EPB41L1: variants seen among roughly 807,000 people sequenced by gnomAD.
EPB41L1 encodes the protein erythrocyte membrane protein band 4.1 like 1.
EPB41L1 carries 29 observed loss-of-function variants against 97.8 expected under a neutral mutation model. That is an observed-to-expected ratio of 0.30 (90% CI 0.22 to 0.40). The LOEUF (loss-of-function observed/expected upper bound fraction) is 0.40. Among genes scored for constraint, EPB41L1 ranks in the 10% least tolerant of loss-of-function variants. The probability of loss-of-function intolerance (pLI) is 1.00; values close to 1 mark genes in which losing one functional copy is unlikely to be tolerated. For missense variants in EPB41L1, 812 were observed against 1,162.3 expected (o/e 0.70, Z 4.38); for synonymous variants, 383 against 459.2 (o/e 0.83, Z 2.12).
intron 2 of EPB41L1, among the ~76,000 whole-genome samples, chr20:36,118,723 A>G (rs1476983804): frequency 1.3e-5 from 2 of 152,244 alleles, no homozygotes; most frequent in African/African-American, 4.8e-5. Flanking sequence ...GGTGCTTAAT[A>G]GATGCTTAAT....
At chr20:36,222,557 C>G (rs2063845379) in intron 21 of EPB41L1, among the ~76,000 whole-genome samples, 163 bp downstream of exon 21, 1 of 152,106 alleles carries the variant, frequency 6.6e-6, no homozygotes, top group Non-Finnish European at 1.5e-5. Context: ...AGAGAGGCAC[C>G]TCCCCGAGAT....
At chr20:36,131,809 C>T (rs2059220607) in intron 2 of EPB41L1, among the ~76,000 whole-genome samples, 1 of 152,124 alleles carries the variant, frequency 6.6e-6, no homozygotes, top group Non-Finnish European at 1.5e-5. Context: ...TTCCCTGATG[C>T]CAGGCTACTG....
At chr20:36,116,012 T>G (rs2746103) in intron 2 of EPB41L1, among the ~76,000 whole-genome samples, 55,740 of 152,122 alleles carry the variant, frequency 0.37, 14,006 homozygotes, top group African/African-American at 0.72. Flanking sequence ...TGCAAAGCTG[T>G]TATTTGAGTT....
Position 36,190,329 on chromosome 20 carries a change from C to A in EPB41L1, c.1079C>A (p.Ala360Asp), listed in dbSNP as rs765375387. The change falls in exon 10 of 22, where the codon GCC becomes GAC. Residue 360 changes from alanine to aspartate, a missense_variant. Transcript: ENST00000338074. The surrounding 1 kb of genome is among the most constrained non-coding windows in gnomAD (Gnocchi z 5.8). Reference protein sequence around the residue: ...IGFKLPNHRSAKRLWKVCIEH... With the variant: ...IGFKLPNHRSDKRLWKVCIEH... ...TTTAAGCTCCCAAACCACCGGTCAGCCAAGAGACTGTGGAAGGTCTGCATC... is the reference window on the plus strand; with the variant it reads ...TTTAAGCTCCCAAACCACCGGTCAGACAAGAGACTGTGGAAGGTCTGCATC... 6.2e-7 allele frequency: 1 copy of A among 1,614,168 alleles called. No individual in the cohort carries two copies. The highest frequency in any genetic ancestry group is 2.2e-5 in the East Asian group (1 of 44,882).
chr20:36,125,619 G>A, intron 2 of EPB41L1: 9 of 1,505,230 alleles, frequency 6.0e-6, no homozygotes, highest in Non-Finnish European at 8.0e-6. Context: ...TGGAGTGGCA[G>A]GAGTTTCCTG....
At chr20:36,185,066 T>C (rs1379328728) in intron 6 of EPB41L1, 51 bp from the exon 7 acceptor site, 4 of 1,572,214 alleles carry the variant, frequency 2.5e-6, no homozygotes, top group South Asian at 1.1e-5. Context: ...GCTTGGGGGA[T>C]CTAGGGAGGA....
At chr20:36,227,120 G>A (rs567906470) in intron 21 of EPB41L1, among the ~76,000 whole-genome samples, 233 of 152,086 alleles carry the variant, frequency 1.5e-3, no homozygotes, top group Non-Finnish European at 2.5e-3. Flanking sequence ...TTCAAGACCA[G>A]CCTGGCCATC....
intron 1 of EPB41L1, among the ~76,000 whole-genome samples, chr20:36,094,594 G>A (rs914358958): frequency 6.6e-6 from 1 of 152,190 alleles, no homozygotes; most frequent in African/African-American, 2.4e-5. Context: ...CACAGGATTT[G>A]GAGTGCAAAG....
intron 1 of EPB41L1, among the ~76,000 whole-genome samples, chr20:36,165,041 G>T (rs1349258703): frequency 6.6e-6 from 1 of 151,816 alleles, no homozygotes; most frequent in Non-Finnish European, 1.5e-5. Context: ...GAGTGCAGTG[G>T]TGCGATCTGA....
At chr20:36,172,241 G>A (rs942082715) in intron 1 of EPB41L1, among the ~76,000 whole-genome samples, 2 of 152,108 alleles carry the variant, frequency 1.3e-5, no homozygotes, top group African/African-American at 4.8e-5. Flanking sequence ...ACCACATCCA[G>A]CTAATTTTTG....
intron 9 of EPB41L1, among the ~76,000 whole-genome samples, chr20:36,188,812 T>G (rs1441348236): frequency 6.8e-6 from 1 of 147,480 alleles, no homozygotes; most frequent in Admixed American, 6.8e-5. Flanking sequence ...AAACCCCGTC[T>G]CTACTAAAAA....
upstream of EPB41L1, among the ~76,000 whole-genome samples, chr20:36,153,270 G>C (rs2060131290): frequency 6.6e-6 from 1 of 152,040 alleles, no homozygotes; most frequent in Non-Finnish European, 1.5e-5. Flanking sequence ...AGCACACTGG[G>C]AGGGAGGAGT....
At position 36,154,834 on chromosome 20, in the gene EPB41L1, C is replaced by G; in HGVS notation, c.-77C>G. ...GCCGCCCCGCCCCGCGGCCTGCCTG[C>G]CAGAGGAGCCGAGGGGGCCGCCCCT... On this transcript the variant is annotated 5_prime_UTR_variant, in exon 1 of 22. Coordinates refer to ENST00000338074, the MANE Select transcript of EPB41L1 (RefSeq NM_012156.2). This position sits in a 1 kb window ranked among gnomAD's most constrained non-coding sequence, Gnocchi z 5.5. 3 of 997,504 alleles carry G rather than the reference C, an allele frequency of 3.0e-6. No individual in the cohort carries two copies. Among genetic ancestry groups the G allele is most frequent in the Non-Finnish European group, 3.6e-6 (3 of 837,516 alleles). 61.8% of individuals were successfully genotyped at this position (997,504 alleles called of 1,614,324 possible). A position where few individuals can be genotyped will look rare whatever the true frequency, so the allele number is the denominator to read the frequency against.
chr20:36,145,463 C>T (rs1267608728), intron 2 of EPB41L1, among the ~76,000 whole-genome samples: 1 of 151,630 alleles, frequency 6.6e-6, no homozygotes, highest in Non-Finnish European at 1.5e-5. Context: ...TTAGAATCAT[C>T]CCTGTTTCCT....
At chr20:36,222,712 G>C (rs1029555601) in intron 21 of EPB41L1, among the ~76,000 whole-genome samples, 9 of 152,136 alleles carry the variant, frequency 5.9e-5, no homozygotes, top group Non-Finnish European at 1.2e-4. Context: ...TGGATATTGA[G>C]GTGGGACAGA....
At position 36,209,395 on chromosome 20, in the gene EPB41L1, C is replaced by G; in HGVS notation, c.1669-93C>G. ...TTCCATTCAGGATGTCGACACAGCCCCGAGATTTCTCCTGACATTCACCAT... is the reference window on the plus strand; with the variant it reads ...TTCCATTCAGGATGTCGACACAGCCGCGAGATTTCTCCTGACATTCACCAT... On this transcript the variant is annotated intron_variant, in intron 14 of 21. Coordinates refer to ENST00000338074, the MANE Select transcript of EPB41L1 (RefSeq NM_012156.2). The surrounding 1 kb of genome is among the most constrained non-coding windows in gnomAD (Gnocchi z 4.2). 6.9e-7 allele frequency: 1 copy of G among 1,439,878 alleles called. No homozygotes were observed. The highest frequency in any genetic ancestry group is 9.4e-7 in the Non-Finnish European group (1 of 1,060,040). 89.2% of individuals were successfully genotyped at this position (1,439,878 alleles called of 1,614,324 possible).
intron 1 of EPB41L1, among the ~76,000 whole-genome samples, chr20:36,100,600 C>CA (rs1246661718): frequency 6.6e-6 from 1 of 152,204 alleles, no homozygotes; most frequent in Admixed American, 6.5e-5. Context: ...CGTCGTATTA[C>CA]AGGAGGCTAA....
chr20:36,171,833 A>G, intron 1 of EPB41L1, among the ~76,000 whole-genome samples: 1 of 152,070 alleles, frequency 6.6e-6, no homozygotes, highest in Non-Finnish European at 1.5e-5. Flanking sequence ...TGCAGGGGAG[A>G]GGGCGTGCCA....
At chr20:36,091,877 T>TTAG (rs1465016727) in intron 1 of EPB41L1, 1 of 152,224 alleles carries the variant, frequency 6.6e-6, no homozygotes, top group Non-Finnish European at 1.5e-5. Flanking sequence ...TGAACACGGG[T>TTAG]TAGTTCCTCC....
Sources: allele counts gnomAD v4.1 joint callset (sites outside exome capture counted in the v4.1 genomes callset), GRCh38; gene constraint gnomAD v4.1.1; non-coding constraint Gnocchi (gnomAD v3.1); transcripts MANE v1.5; gene names NCBI Gene and HGNC (gene_info 2026-07-23, HGNC 2026-07-21).